The following SPRED1 variants were observed in gnomAD, a reference collection of about 807,000 sequenced individuals.
SPRED1 encodes the protein sprouty-related, EVH1 domain-containing protein 1.
In SPRED1, 18 loss-of-function variants were observed where a neutral mutation model predicts 52.3. That is an observed-to-expected ratio of 0.34 (90% CI 0.24 to 0.51). The LOEUF (loss-of-function observed/expected upper bound fraction) is 0.51. Ranked by LOEUF, SPRED1 falls within the 20% of genes least tolerant of loss-of-function variation. The pLI is 0.97. For synonymous variants in SPRED1, 155 were observed against 179.7 expected (o/e 0.86, Z 1.10); for missense variants, 485 against 551.0 (o/e 0.88, Z 1.20).
chr15:38,336,618 T>G (rs576870932), intron 4 of SPRED1, among the ~76,000 whole-genome samples: 1 of 151,462 alleles, frequency 6.6e-6, no homozygotes, highest in Non-Finnish European at 1.5e-5. Context: ...AGGAAAGAAA[T>G]AATGGCATTT....
chr15:38,308,413 ATCACGTTT>A (rs1165842631), intron 2 of SPRED1, among the ~76,000 whole-genome samples: 3 of 152,160 alleles, frequency 2.0e-5, no homozygotes, highest in African/African-American at 7.2e-5. Context: ...GTACAGTTTT[ATCACGTTT>A]TCACTACCAC....
At chr15:38,304,268 T>C (rs1895206447) in intron 2 of SPRED1, among the ~76,000 whole-genome samples, 1 of 152,210 alleles carries the variant, frequency 6.6e-6, no homozygotes, top group Admixed American at 6.5e-5. Flanking sequence ...AATTTCCTGC[T>C]AAGCTTTTCC....
intron 4 of SPRED1, among the ~76,000 whole-genome samples, chr15:38,328,190 GACA>G (rs1295174166): frequency 6.6e-6 from 1 of 152,122 alleles, no homozygotes; most frequent in Non-Finnish European, 1.5e-5. Context: ...TGTTTGCAAA[GACA>G]ACTAATATAG....
chr15:38,326,890 T>A (rs1895717766), intron 4 of SPRED1, among the ~76,000 whole-genome samples: 1 of 152,174 alleles, frequency 6.6e-6, no homozygotes. Context: ...GAAAAATTAT[T>A]CCCAGGTCCT....
chr15:38,267,243 T>TG (rs1894327420), intron 1 of SPRED1, among the ~76,000 whole-genome samples: 1 of 11,518 alleles, frequency 8.7e-5, no homozygotes, highest in African/African-American at 9.5e-5. Context: ...ATCATTTTAG[T>TG]ACTGTAATAT....
rs189604029 is a variant in SPRED1, at chr15:38,253,260, A to G, written c.32+43A>G. 3.5e-4 allele frequency: 547 copies of G among 1,547,162 alleles called. 2 individuals carry two copies. In the African/African-American group the frequency reaches 6.7e-3, roughly 19 times the overall value. ...CTCGATTGCTAATCCCCCTCCCCCT[A>G]TCCGCCCTCGGCTCTCCCCCAGACC... On this transcript the variant is annotated intron_variant, in intron 1 of 6. Transcript: ENST00000299084.
At chr15:38,334,572 A>T (rs548498576) in intron 4 of SPRED1, among the ~76,000 whole-genome samples, 54 of 152,196 alleles carry the variant, frequency 3.5e-4, no homozygotes, top group African/African-American at 1.2e-3. Context: ...CCATCAATTC[A>T]TCCTTCTATC....
At chr15:38,327,558 G>A (rs1431092048) in intron 4 of SPRED1, among the ~76,000 whole-genome samples, 1 of 152,202 alleles carries the variant, frequency 6.6e-6, no homozygotes, top group Non-Finnish European at 1.5e-5. Context: ...TGTATGAAGA[G>A]ATCCATGTGA....
chr15:38,265,524 A>G (rs1894290260), intron 1 of SPRED1, among the ~76,000 whole-genome samples: 1 of 152,152 alleles, frequency 6.6e-6, no homozygotes, highest in African/African-American at 2.4e-5. Context: ...AAAAAAATTT[A>G]TATTGTGAAA....
intron 1 of SPRED1, among the ~76,000 whole-genome samples, chr15:38,257,158 C>T (rs1461571255): frequency 2.6e-5 from 4 of 152,208 alleles, no homozygotes; most frequent in Non-Finnish European, 5.9e-5. Flanking sequence ...CCTCTTTCAA[C>T]ACTCTGTCCC....
At chr15:38,283,868 C>T (rs1485616375) in intron 1 of SPRED1, among the ~76,000 whole-genome samples, 2 of 152,048 alleles carry the variant, frequency 1.3e-5, no homozygotes, top group Admixed American at 1.3e-4. Flanking sequence ...GATAGAGCTG[C>T]CTTACTATAG....
At chr15:38,265,891 G>T (rs987245962) in intron 1 of SPRED1, among the ~76,000 whole-genome samples, 1 of 152,086 alleles carries the variant, frequency 6.6e-6, no homozygotes, top group African/African-American at 2.4e-5. Context: ...TAAAGGTTTA[G>T]AATTTAATTT....
chr15:38,266,058 TA>T (rs1396503023), intron 1 of SPRED1, among the ~76,000 whole-genome samples: 1 of 152,210 alleles, frequency 6.6e-6, no homozygotes, highest in African/African-American at 2.4e-5. Flanking sequence ...CATTAAAAGC[TA>T]AAGCAAAAAT....
At chr15:38,306,432 A>C (rs1275105296) in intron 2 of SPRED1, among the ~76,000 whole-genome samples, 1 of 152,214 alleles carries the variant, frequency 6.6e-6, no homozygotes, top group Admixed American at 6.5e-5. Context: ...ACTGGGTTAA[A>C]GCACCTTGGA....
chr15:38,352,245 T>G lies in SPRED1; in HGVS notation c.*581T>G, dbSNP rs541503324. The stretch of plus-strand genomic sequence containing the variant: ...CCCCTTCCTAGTTCTGAAGTAGATA[T>G]ATATATATATATATCTACTGTCACA... On this transcript the variant is annotated 3_prime_UTR_variant, in exon 7 of 7. Transcript: ENST00000299084. 1 of 152,442 alleles carries G rather than the reference T, an allele frequency of 6.6e-6. No individual in the cohort carries two copies. The highest frequency in any genetic ancestry group is 6.6e-5 in the Admixed American group (1 of 15,222). 9.4% of individuals were successfully genotyped at this position (152,442 alleles called of 1,614,324 possible).
chr15:38,262,787 G>T (rs1894230752), intron 1 of SPRED1, among the ~76,000 whole-genome samples: 1 of 152,192 alleles, frequency 6.6e-6, no homozygotes, highest in Non-Finnish European at 1.5e-5. Flanking sequence ...TTTGAACAGA[G>T]TTCCCATTAA....
At chr15:38,258,427 C>T (rs1244582513) in intron 1 of SPRED1, among the ~76,000 whole-genome samples, 1 of 152,068 alleles carries the variant, frequency 6.6e-6, no homozygotes, top group Admixed American at 6.6e-5. Context: ...TGTAATCAGT[C>T]TCCTATTGTT....
At chr15:38,302,862 A>G (rs1280090713) in intron 2 of SPRED1, among the ~76,000 whole-genome samples, 4 of 152,122 alleles carry the variant, frequency 2.6e-5, no homozygotes, top group Admixed American at 6.5e-5. Flanking sequence ...GTTGTTAAGG[A>G]CAGATTCTGA....
chr15:38,295,470 C>A (rs954308194), intron 1 of SPRED1, among the ~76,000 whole-genome samples: 1 of 152,026 alleles, frequency 6.6e-6, no homozygotes, highest in African/African-American at 2.4e-5. Context: ...AATAAAGATA[C>A]GGTATTGTAA....
Sources: allele counts gnomAD v4.1 joint callset (sites outside exome capture counted in the v4.1 genomes callset), GRCh38; gene constraint gnomAD v4.1.1; transcripts MANE v1.5; gene names NCBI Gene and HGNC (gene_info 2026-07-23, HGNC 2026-07-21).